The following CDC42BPA variants were observed in gnomAD, a reference collection of about 807,000 sequenced individuals.
CDC42BPA encodes the protein CDC42 binding protein kinase alpha.
Under a neutral mutation model 223.5 loss-of-function variants are expected in CDC42BPA, and 80 were observed. The observed-to-expected ratio is 0.36, with a 90% confidence interval of 0.30 to 0.43. The LOEUF (loss-of-function observed/expected upper bound fraction) is 0.43. Ranked by LOEUF, CDC42BPA falls within the 20% of genes least tolerant of loss-of-function variation. The pLI, the probability that CDC42BPA is intolerant of heterozygous loss-of-function variation, is 1.00. For synonymous variants in CDC42BPA, 694 were observed against 718.6 expected (o/e 0.97, Z 0.55); for missense variants, 1,743 against 2,099.9 (o/e 0.83, Z 3.32).
At position 227,129,097 on chromosome 1, in the gene CDC42BPA, A is replaced by G; in HGVS notation, c.1513+12T>C. ...TCCTAAATTGAATTAACAGTGAATC[A>G]CAGATATTTACCTGTTACTTGTTTT... On this transcript the variant is annotated intron_variant, in intron 11 of 36. Transcript: ENST00000366766. 1 of 1,376,750 alleles carries G rather than the reference A, an allele frequency of 7.3e-7. No homozygotes were observed. 85.3% of individuals were successfully genotyped at this position (1,376,750 alleles called of 1,614,324 possible).
chr1:227,170,467 G>GA (rs1221554059), intron 5 of CDC42BPA, among the ~76,000 whole-genome samples: 37 of 104,370 alleles, frequency 3.5e-4, no homozygotes, highest in African/African-American at 1.6e-3. Context: ...AAAAAAAAAA[G>GA]AAAAAAAAAA....
At chr1:227,214,723 G>A (rs1264321224) in intron 2 of CDC42BPA, among the ~76,000 whole-genome samples, 2 of 152,040 alleles carry the variant, frequency 1.3e-5, no homozygotes, top group South Asian at 2.1e-4. Context: ...CAAAACTTAG[G>A]TGTCTTCCCC....
At chr1:227,169,846 C>A (rs974380681) in intron 5 of CDC42BPA, among the ~76,000 whole-genome samples, 1 of 152,148 alleles carries the variant, frequency 6.6e-6, no homozygotes, top group Non-Finnish European at 1.5e-5. Flanking sequence ...CTGTGAGGGC[C>A]GTAGCCCAGA....
At chr1:227,139,500 C>T (rs1659282314) in intron 10 of CDC42BPA, 76 bp downstream of exon 10, 1 of 980,538 alleles carries the variant, frequency 1.0e-6, no homozygotes, top group Non-Finnish European at 1.4e-6. Flanking sequence ...AAAGATAAAA[C>T]AACCACTTAT....
chr1:227,070,355 C>T (rs1366070581), intron 20 of CDC42BPA, among the ~76,000 whole-genome samples: 1 of 151,510 alleles, frequency 6.6e-6, no homozygotes, highest in Non-Finnish European at 1.5e-5. Flanking sequence ...TTTTTATTGA[C>T]AGGATGAAGA....
intron 11 of CDC42BPA, among the ~76,000 whole-genome samples, chr1:227,121,783 C>G (rs1213764182): frequency 6.6e-6 from 1 of 150,746 alleles, no homozygotes; most frequent in Admixed American, 6.6e-5. Context: ...TTTTAGGATA[C>G]CAACAATTTC....
chr1:227,179,993 G>A (rs186386826), intron 5 of CDC42BPA, among the ~76,000 whole-genome samples: 1 of 152,178 alleles, frequency 6.6e-6, no homozygotes, highest in East Asian at 1.9e-4. Flanking sequence ...GGATCACTGG[G>A]GTTAGGAGTT....
chr1:227,283,640 G>A (rs34084723), intron 1 of CDC42BPA, among the ~76,000 whole-genome samples: 30,659 of 152,104 alleles, frequency 0.2, 3,156 homozygotes, highest in East Asian at 0.26. Flanking sequence ...ACAGAAGTAC[G>A]GAGGGTGGAA....
At chr1:227,170,356 T>C (rs1665880661) in intron 5 of CDC42BPA, among the ~76,000 whole-genome samples, 2 of 151,774 alleles carry the variant, frequency 1.3e-5, no homozygotes, top group South Asian at 4.1e-4. Flanking sequence ...ATCTTGACAG[T>C]GATTCTTCCA....
intron 11 of CDC42BPA, among the ~76,000 whole-genome samples, chr1:227,122,601 T>A (rs1167544838): frequency 6.6e-6 from 1 of 152,198 alleles, no homozygotes; most frequent in African/African-American, 2.4e-5. Context: ...CAGTCACTTT[T>A]CAAAAGTGAA....
intron 15 of CDC42BPA, among the ~76,000 whole-genome samples, chr1:227,099,071 G>A (rs1160244988): frequency 1.3e-5 from 2 of 151,980 alleles, no homozygotes; most frequent in African/African-American, 4.8e-5. Flanking sequence ...CATTACTCAC[G>A]TGTATGTGGT....
intron 14 of CDC42BPA, 75 bp downstream of exon 14, chr1:227,112,237 T>TACAA (rs1687053476): frequency 1.3e-6 from 1 of 773,596 alleles, no homozygotes; most frequent in African/African-American, 1.8e-5. Context: ...GAATACAGTA[T>TACAA]ACAAGCTAAC....
At position 227,318,490 on chromosome 1, in the gene CDC42BPA, T is replaced by A. The variant is rs1694739274; in HGVS notation, c.-1308A>T. 6.6e-6 allele frequency: 1 copy of A among 151,928 alleles called. No individual in the cohort carries two copies. Among genetic ancestry groups the A allele is most frequent in the African/African-American group, 2.4e-5 (1 of 41,290 alleles). The allele number at this position is 151,928 out of a possible 1,614,324, so 9.4% of individuals were successfully genotyped here. A position where few individuals can be genotyped will look rare whatever the true frequency, so the allele number is the denominator to read the frequency against. ...GGCTTGCGGACGAGTCTGGATCCAA[T>A]ATGGCGGCCTGGCCCCCCGGCCCCG... On this transcript the variant is annotated 5_prime_UTR_variant, in exon 1 of 37. Transcript: ENST00000366766.
rs187644309 is a variant in CDC42BPA, at chr1:227,318,257, C to T, written c.-1075G>A. 8.1e-5 allele frequency: 12 copies of T among 148,418 alleles called. No homozygotes were observed. In the East Asian group the frequency reaches 2.3e-3, roughly 28 times the overall value. The allele number at this position is 148,418 out of a possible 1,614,324, so 9.2% of individuals were successfully genotyped here. On this transcript the variant is annotated 5_prime_UTR_variant, in exon 1 of 37. Transcript: ENST00000366766. Reference sequence around the variant, plus strand: ...TCTCCCCCTTCTTCACACCCCTGGGCTAAGGGCATCTTTCCACAGCGAGGA... The same window carrying T: ...TCTCCCCCTTCTTCACACCCCTGGGTTAAGGGCATCTTTCCACAGCGAGGA...
At chr1:227,261,608 T>TTTATATTTATAA (rs1684090178) in intron 1 of CDC42BPA, among the ~76,000 whole-genome samples, 1 of 144,400 alleles carries the variant, frequency 6.9e-6, no homozygotes, top group African/African-American at 2.9e-5. Flanking sequence ...TCCCCAAGAA[T>TTTATATTTATAA]TAGAAATAAA....
rs186384835 is a variant in CDC42BPA, at chr1:227,035,616, G to C, written c.3200-9C>G. ...GCATGAGAATCCACACACTTTTAGAGGGAAAAAAGAAACGTTTGATAAAAA... is the reference window on the plus strand; with the variant it reads ...GCATGAGAATCCACACACTTTTAGACGGAAAAAAGAAACGTTTGATAAAAA... On this transcript the variant is annotated splice_polypyrimidine_tract_variant and intron_variant, in intron 24 of 36. Coordinates refer to ENST00000366766, the MANE Select transcript of CDC42BPA (RefSeq NM_001394014.1). 1 of 1,561,216 alleles carries C rather than the reference G, an allele frequency of 6.4e-7. No individual in the cohort carries two copies. The highest frequency in any genetic ancestry group is 8.6e-7 in the Non-Finnish European group (1 of 1,163,718).
At chr1:227,250,133 A>G (rs1013139374) in intron 2 of CDC42BPA, among the ~76,000 whole-genome samples, 1 of 152,320 alleles carries the variant, frequency 6.6e-6, no homozygotes, top group Non-Finnish European at 1.5e-5. Context: ...CTGTACCAAA[A>G]TATCTCACGT....
At chr1:227,203,704 T>C (rs1330269087) in intron 3 of CDC42BPA, among the ~76,000 whole-genome samples, 1 of 152,210 alleles carries the variant, frequency 6.6e-6, no homozygotes, top group African/African-American at 2.4e-5. Context: ...CAAATGTTCA[T>C]CCAAACATTC....
intron 34 of CDC42BPA, among the ~76,000 whole-genome samples, chr1:227,012,974 G>C (rs1193247966): frequency 6.6e-6 from 1 of 152,014 alleles, no homozygotes; most frequent in African/African-American, 2.4e-5. Flanking sequence ...AAAAGCCCCA[G>C]GTTATATGTC....
Sources: gnomAD v4.1 joint callset for allele counts (sites outside exome capture counted in the v4.1 genomes callset) on GRCh38, gnomAD v4.1.1 for gene constraint, MANE v1.5 for transcripts, NCBI Gene and HGNC (gene_info 2026-07-23, HGNC 2026-07-21) for gene names.